The following ANKRD44 variants were observed in gnomAD, a reference collection of about 807,000 sequenced individuals.
The protein encoded by ANKRD44 is ankyrin repeat domain 44, also known as serine/threonine-protein phosphatase 6 regulatory ankyrin repeat subunit B.
A neutral mutation model predicts 116.0 loss-of-function variants in ANKRD44; 35 were observed. The observed-to-expected ratio is 0.30, with a 90% CI of 0.23 to 0.40. The LOEUF (loss-of-function observed/expected upper bound fraction) is 0.40, where lower values mean the gene tolerates loss of function less well. ANKRD44 is among the 10% of genes least tolerant of loss of function. The pLI, the probability that ANKRD44 is intolerant of heterozygous loss-of-function variation, is 1.00. For missense variants in ANKRD44, 1,014 were observed against 1,242.6 expected, an observed-to-expected ratio of 0.82 and a Z score of 2.77; for synonymous variants, 435 against 461.8, an observed-to-expected ratio of 0.94 and a Z score of 0.74.
intron 1 of ANKRD44, among the ~76,000 whole-genome samples, chr2:197,188,175 T>C (rs1057259719): frequency 2.6e-5 from 4 of 152,164 alleles, no homozygotes; most frequent in African/African-American, 4.8e-5. Context: ...GCTCTTATTA[T>C]TGAACTCATC....
intron 2 of ANKRD44, among the ~76,000 whole-genome samples, chr2:197,186,096 G>A (rs933620692): frequency 6.6e-6 from 1 of 152,058 alleles, no homozygotes; most frequent in Admixed American, 6.6e-5. Flanking sequence ...TTCTTCTCTT[G>A]ATTTTTTTCT....
chr2:196,986,691 GTA>G lies in ANKRD44; in HGVS notation c.*2898_*2899del. On this transcript the variant is annotated 3_prime_UTR_variant, in exon 28 of 28. Coordinates refer to ENST00000282272, the MANE Select transcript of ANKRD44 (RefSeq NM_001195144.2). ...AACAATATTTGTACCGTTTTTATTTGTAAAAATAACCATCTGAATGCATTTCC... is the reference window on the plus strand; with the variant it reads ...AACAATATTTGTACCGTTTTTATTTGAAAATAACCATCTGAATGCATTTCC... 1.0e-6 allele frequency: 1 copy of G among 971,468 alleles called. No homozygotes were observed. The highest frequency in any genetic ancestry group is 1.1e-4 in the East Asian group (1 of 8,744). 60.2% of individuals were successfully genotyped at this position (971,468 alleles called of 1,614,324 possible).
intron 16 of ANKRD44, among the ~76,000 whole-genome samples, chr2:197,053,787 G>C (rs2077156444): frequency 6.6e-6 from 1 of 152,136 alleles, no homozygotes; most frequent in South Asian, 2.1e-4. Context: ...CTGGCCCACT[G>C]ATCTCCTTTA....
intron 1 of ANKRD44, among the ~76,000 whole-genome samples, chr2:197,245,313 C>T (rs1166226447): frequency 1.3e-5 from 2 of 152,028 alleles, no homozygotes; most frequent in African/African-American, 4.8e-5. Flanking sequence ...GTTTACATAG[C>T]ATTTACATTG....
intron 2 of ANKRD44, among the ~76,000 whole-genome samples, chr2:197,186,612 CTTTTTTTTTTTTTTTTTT>C (rs149107038): frequency 0.12 from 5,976 of 51,006 alleles, 578 homozygotes; most frequent in African/African-American, 0.26. Context: ...GCTAATTTTT[CTTTTTTTTTTTTTTTTTT>C]TTTTTTTTTT....
chr2:197,246,724 C>G (rs2082201694), intron 1 of ANKRD44, among the ~76,000 whole-genome samples: 1 of 152,178 alleles, frequency 6.6e-6, no homozygotes, highest in South Asian at 2.1e-4. Flanking sequence ...CAGGATCAGT[C>G]ACTACTCGGA....
intron 27 of ANKRD44, chr2:196,990,898 T>C: frequency 8.1e-7 from 1 of 1,232,422 alleles, no homozygotes; most frequent in East Asian, 3.2e-5. Context: ...ACGTCTTTGT[T>C]AGGAGCGCAA....
At position 197,273,972 on chromosome 2, in the gene ANKRD44, A is replaced by AT. The variant is rs1559207977; in HGVS notation, c.27+36605_27+36606insA. On this transcript the variant is annotated intron_variant, in intron 1 of 27. Coordinates refer to ENST00000282272, the MANE Select transcript of ANKRD44 (RefSeq NM_001195144.2). ...AGTCAACCAACCACAAAAAAAAAAAAAAAAAAAAATATATATATATATATA... is the reference window on the plus strand; with the variant it reads ...AGTCAACCAACCACAAAAAAAAAAAATAAAAAAAAATATATATATATATATA... Among the ~76,000 whole-genome samples the AT allele has an allele frequency of 2.4e-3, 74 of 30,542 alleles. 2 individuals carry two copies. The highest frequency in any genetic ancestry group is 0.034 in the Middle Eastern group (2 of 58). 20.0% of individuals were successfully genotyped at this position (30,542 alleles called of 152,430 possible). A position where few individuals can be genotyped will look rare whatever the true frequency, so the allele number is the denominator to read the frequency against.
In ANKRD44 at chr2:197,025,826, GC is replaced by G. The variant is rs569228200; in HGVS notation, c.1651-560del. Among the ~76,000 whole-genome samples the G allele has an allele frequency of 1.3e-3, 199 of 152,252 alleles. 1 individual carries two copies. The highest frequency in any genetic ancestry group is 1.6e-3 in the Non-Finnish European group (106 of 68,012). ...AAGAATTAAACCAGATAAAGGTGTGGCAGGAGAGTATTCAGGAAGAGGAAAT... is the reference window on the plus strand; with the variant it reads ...AAGAATTAAACCAGATAAAGGTGTGGAGGAGAGTATTCAGGAAGAGGAAAT... On this transcript the variant is annotated intron_variant, in intron 16 of 27. Coordinates refer to ENST00000282272, the MANE Select transcript of ANKRD44 (RefSeq NM_001195144.2).
At chr2:197,006,599 T>C (rs1325847280) in intron 20 of ANKRD44, among the ~76,000 whole-genome samples, 1 of 152,104 alleles carries the variant, frequency 6.6e-6, no homozygotes, top group African/African-American at 2.4e-5. Flanking sequence ...AATAACAACT[T>C]CAGAGGACGT....
intron 17 of ANKRD44, chr2:197,015,100 A>G: frequency 4.1e-6 from 1 of 244,474 alleles, no homozygotes; most frequent in Non-Finnish European, 8.3e-6. Flanking sequence ...TGGTAATAAA[A>G]GACCCCCGAA....
At chr2:196,999,738 C>T (rs894166186) in intron 23 of ANKRD44, among the ~76,000 whole-genome samples, 10 of 151,956 alleles carry the variant, frequency 6.6e-5, no homozygotes, top group African/African-American at 1.7e-4. Flanking sequence ...GGACTACAGG[C>T]GCCTGCCACC....
At chr2:197,146,730 T>C (rs1045752486) in intron 3 of ANKRD44, among the ~76,000 whole-genome samples, 2 of 151,756 alleles carry the variant, frequency 1.3e-5, no homozygotes, top group African/African-American at 4.9e-5. Context: ...TTTCCTTTTG[T>C]ATAATAAAAA....
intron 16 of ANKRD44, among the ~76,000 whole-genome samples, chr2:197,040,201 T>C (rs1317860717): frequency 1.3e-5 from 2 of 150,418 alleles, no homozygotes; most frequent in East Asian, 4.0e-4. Flanking sequence ...ATCACGTCAC[T>C]GACTCCAGCC....
chr2:197,219,070 C>CTTTTTT (rs1185156257), intron 1 of ANKRD44, among the ~76,000 whole-genome samples: 1 of 113,066 alleles, frequency 8.8e-6, no homozygotes, highest in Admixed American at 9.3e-5. Flanking sequence ...GCTAAAGTTC[C>CTTTTTT]TTTTTTTTTT....
chr2:196,999,844 C>A (rs1427826974), intron 23 of ANKRD44, among the ~76,000 whole-genome samples: 10 of 152,082 alleles, frequency 6.6e-5, no homozygotes, highest in Admixed American at 5.2e-4. Flanking sequence ...CCACCCGCCT[C>A]GGCCTCCCAA....
At chr2:196,995,680 C>G (rs2075999834) in intron 25 of ANKRD44, among the ~76,000 whole-genome samples, 1 of 152,026 alleles carries the variant, frequency 6.6e-6, no homozygotes, top group African/African-American at 2.4e-5. Flanking sequence ...TAACATAAGT[C>G]TGATCTAAAA....
At chr2:197,124,877 T>G (rs2078939610) in intron 6 of ANKRD44, among the ~76,000 whole-genome samples, 1 of 152,192 alleles carries the variant, frequency 6.6e-6, no homozygotes, top group Non-Finnish European at 1.5e-5. Context: ...GGCTGCAGGC[T>G]TCAGTTTTGT....
chr2:197,090,774 G>A (rs2078025838), intron 10 of ANKRD44, among the ~76,000 whole-genome samples: 1 of 152,164 alleles, frequency 6.6e-6, no homozygotes, highest in African/African-American at 2.4e-5. Flanking sequence ...CTAGTAGACA[G>A]GACTATGGCT....
Sources: gnomAD v4.1 joint callset for allele counts (sites outside exome capture counted in the v4.1 genomes callset) on GRCh38, gnomAD v4.1.1 for gene constraint, MANE v1.5 for transcripts, NCBI Gene and HGNC (gene_info 2026-07-23, HGNC 2026-07-21) for gene names.